FRMD3: variants seen among roughly 807,000 people sequenced by gnomAD.
FRMD3 encodes the protein FERM domain containing 3, also known as FERM domain-containing protein 3.
FRMD3 carries 33 observed loss-of-function variants against 70.2 expected under a neutral mutation model. That is an observed-to-expected ratio of 0.47 (90% CI 0.36 to 0.63). The LOEUF (loss-of-function observed/expected upper bound fraction) is 0.63. FRMD3 is among the 20% of genes least tolerant of loss of function. FRMD3 has a pLI of 0.00. For missense variants in FRMD3, 632 were observed against 711.4 expected (o/e 0.89, Z 1.27); for synonymous variants, 279 against 255.9 (o/e 1.09, Z -0.86).
At chr9:83,380,049 G>C (rs1162194659) in intron 2 of FRMD3, among the ~76,000 whole-genome samples, 2 of 152,108 alleles carry the variant, frequency 1.3e-5, no homozygotes, top group Non-Finnish European at 2.9e-5. Context: ...CTCAAGGTCT[G>C]CTTCTTCAAA....
chr9:83,254,718 A>T (rs1019434941), intron 13 of FRMD3, among the ~76,000 whole-genome samples: 2 of 152,210 alleles, frequency 1.3e-5, no homozygotes, highest in Non-Finnish European at 2.9e-5. Flanking sequence ...CCACAGAAAT[A>T]CAAACAACCA....
intron 13 of FRMD3, among the ~76,000 whole-genome samples, chr9:83,272,712 C>T (rs1297341514): frequency 1.8e-4 from 26 of 146,834 alleles, no homozygotes; most frequent in Admixed American, 1.1e-3. Flanking sequence ...TCTTCCCGGC[C>T]GCCATCCCAT....
At chr9:83,577,172 C>A in the FRMD3 span, among the ~76,000 whole-genome samples, 150 of 152,038 alleles carry the variant, frequency 9.9e-4, 1 homozygote, top group Admixed American at 3.7e-3. Context: ...AGATTGAGTA[C>A]AATCCCTATC....
intron 1 of FRMD3, among the ~76,000 whole-genome samples, chr9:83,516,591 G>A (rs1384344912): frequency 6.6e-6 from 1 of 152,072 alleles, no homozygotes; most frequent in Non-Finnish European, 1.5e-5. Context: ...AGGATATTCA[G>A]GACTTGAACT....
At chr9:83,313,596 A>G (rs2131060999) in intron 7 of FRMD3, 64 bp downstream of exon 7, 1 of 1,302,490 alleles carries the variant, frequency 7.7e-7, no homozygotes, top group East Asian at 2.3e-5. Context: ...AGGCCTGCGC[A>G]CAGATAAACT....
chr9:83,341,432 G>T (rs1823754946), intron 5 of FRMD3, among the ~76,000 whole-genome samples: 1 of 152,046 alleles, frequency 6.6e-6, no homozygotes, highest in African/African-American at 2.4e-5. Flanking sequence ...CATGTCCTTG[G>T]AGAATTGATG....
At chr9:83,482,483 A>G (rs1828590598) in intron 1 of FRMD3, among the ~76,000 whole-genome samples, 1 of 152,232 alleles carries the variant, frequency 6.6e-6, no homozygotes, top group South Asian at 2.1e-4. Context: ...CAGCAAATAT[A>G]TCTGTCAGTC....
intron 1 of FRMD3, among the ~76,000 whole-genome samples, chr9:83,454,423 T>C (rs1827759390): frequency 6.6e-6 from 1 of 152,050 alleles, no homozygotes; most frequent in African/African-American, 2.4e-5. Flanking sequence ...GAATCAAGAG[T>C]TACACCCACA....
intron 1 of FRMD3, among the ~76,000 whole-genome samples, chr9:83,428,598 A>G (rs1032294625): frequency 1.3e-5 from 2 of 152,054 alleles, no homozygotes; most frequent in African/African-American, 4.8e-5. Flanking sequence ...TTTAGTAATT[A>G]TAATAATTTT....
At chr9:83,507,721 T>TGGA (rs2131524923) in intron 1 of FRMD3, among the ~76,000 whole-genome samples, 1 of 112,026 alleles carries the variant, frequency 8.9e-6, no homozygotes, top group South Asian at 3.0e-4. Context: ...TATATATATA[T>TGGA]ATATATATAT....
At chr9:83,402,731 A>G (rs1167499971) in intron 1 of FRMD3, among the ~76,000 whole-genome samples, 2 of 152,112 alleles carry the variant, frequency 1.3e-5, no homozygotes, top group Non-Finnish European at 2.9e-5. Context: ...GGTCAGTAGC[A>G]AAAATACTTG....
chr9:83,323,495 T>C (rs773598368), intron 6 of FRMD3, among the ~76,000 whole-genome samples: 3 of 152,168 alleles, frequency 2.0e-5, no homozygotes, highest in Admixed American at 6.5e-5. Flanking sequence ...TAAGAGGTGA[T>C]TGATTTCGTG....
At chr9:83,548,480 C>A in the FRMD3 span, among the ~76,000 whole-genome samples, 1 of 152,082 alleles carries the variant, frequency 6.6e-6, no homozygotes. Flanking sequence ...TATGAAAAGG[C>A]TACAGAATGT....
At position 83,446,604 on chromosome 9, in the gene FRMD3, G is replaced by A. The variant is rs949269919; in HGVS notation, c.148-56896C>T. 7.2e-4 allele frequency among the ~76,000 whole-genome samples: 99 copies of A among 137,202 alleles called. 1 individual carries two copies. The highest frequency in any genetic ancestry group is 4.5e-3 in the Middle Eastern group (1 of 224). The allele number at this position is 137,202 out of a possible 152,430, so 90.0% of individuals were successfully genotyped here. On this transcript the variant is annotated intron_variant, in intron 1 of 13. Coordinates refer to ENST00000304195, the MANE Select transcript of FRMD3 (RefSeq NM_174938.6). Reference sequence around the variant, plus strand: ...AGAGCTTGCAGTGAGCCGAGATCGCGCCACTGCACTCCAGCCTGGGCGACA... The same window carrying A: ...AGAGCTTGCAGTGAGCCGAGATCGCACCACTGCACTCCAGCCTGGGCGACA...
chr9:83,424,053 G>A (rs932631188), intron 1 of FRMD3, among the ~76,000 whole-genome samples: 3 of 152,148 alleles, frequency 2.0e-5, no homozygotes, highest in Admixed American at 6.5e-5. Context: ...TAAATCACTT[G>A]AAGATCTTAT....
intron 2 of FRMD3, among the ~76,000 whole-genome samples, chr9:83,376,949 G>A (rs1825167120): frequency 1.2e-5 from 1 of 81,160 alleles, no homozygotes; most frequent in Non-Finnish European, 2.9e-5. Flanking sequence ...CCGTTATTAA[G>A]AAATTGTGGT....
chr9:83,313,600 A>AT, intron 7 of FRMD3, 60 bp downstream of exon 7: 1 of 1,365,752 alleles, frequency 7.3e-7, no homozygotes, highest in East Asian at 2.3e-5. Flanking sequence ...CTGCGCACAG[A>AT]TAAACTCTCT....
In FRMD3 at chr9:83,346,801, C is replaced by G. The variant is rs548067211; in HGVS notation, c.374+2878G>C. Among the ~76,000 whole-genome samples, 8 of 152,276 alleles carry G rather than the reference C, an allele frequency of 5.3e-5. No homozygotes were observed. In the South Asian group the frequency reaches 1.7e-3, roughly 32 times the overall value. Reference sequence around the variant, plus strand: ...ACCCAACTGCCGGAGGTTTCTGATTCAGTAGGTCTTGGACAGACACCAAGA... The same window carrying G: ...ACCCAACTGCCGGAGGTTTCTGATTGAGTAGGTCTTGGACAGACACCAAGA... On this transcript the variant is annotated intron_variant, in intron 4 of 13. Coordinates refer to ENST00000304195, the MANE Select transcript of FRMD3 (RefSeq NM_174938.6).
At chr9:83,458,629 T>C (rs1221855266) in intron 1 of FRMD3, among the ~76,000 whole-genome samples, 1 of 152,128 alleles carries the variant, frequency 6.6e-6, no homozygotes, top group Non-Finnish European at 1.5e-5. Flanking sequence ...GGCGGACTGG[T>C]CCTAAGGATG....
Sources: allele counts gnomAD v4.1 joint callset (sites outside exome capture counted in the v4.1 genomes callset), GRCh38; gene constraint gnomAD v4.1.1; transcripts MANE v1.5; gene names NCBI Gene and HGNC (gene_info 2026-07-23, HGNC 2026-07-21).